The following GLDC variants were observed in gnomAD, a reference collection of about 807,000 sequenced individuals.
GLDC encodes glycine dehydrogenase (decarboxylating), mitochondrial.
Under a neutral mutation model 121.3 loss-of-function variants are expected in GLDC, and 104 were observed. That is an observed-to-expected ratio of 0.86 (90% CI 0.73 to 1.01). The LOEUF is 1.01. Among genes scored for constraint, GLDC ranks in the 50% least tolerant of loss-of-function variants. GLDC has a pLI of 0.00. For synonymous variants in GLDC, 546 were observed against 480.6 expected, an observed-to-expected ratio of 1.14 and a Z score of -1.78; for missense variants, 1,429 against 1,306.6, an observed-to-expected ratio of 1.09 and a Z score of -1.44.
chr9:6,550,666 C>A, intron 21 of GLDC, 137 bp downstream of exon 21: 1 of 722,486 alleles, frequency 1.4e-6, no homozygotes, highest in Non-Finnish European at 2.5e-6. Context: ...CGAGTTATTT[C>A]CAAGAACTCT....
chr9:6,563,942 G>C lies in GLDC; in HGVS notation c.1926+1412C>G, dbSNP rs114930723. On this transcript the variant is annotated intron_variant, in intron 16 of 24. Coordinates refer to ENST00000321612, the MANE Select transcript of GLDC (RefSeq NM_000170.3). Reference sequence around the variant, plus strand: ...GCCCAGGAGTTCAAGGCTGCAGTGAGCTATGAAGAGAAAAAAAAAAGGGCC... The same window carrying C: ...GCCCAGGAGTTCAAGGCTGCAGTGACCTATGAAGAGAAAAAAAAAAGGGCC... 4.5e-3 allele frequency among the ~76,000 whole-genome samples: 677 copies of C among 151,728 alleles called. 7 individuals carry two copies. The highest frequency in any genetic ancestry group is 0.016 in the African/African-American group (655 of 41,398).
chr9:6,635,782 A>G (rs913525071), intron 2 of GLDC, among the ~76,000 whole-genome samples: 6 of 152,096 alleles, frequency 3.9e-5, no homozygotes, highest in African/African-American at 1.4e-4. Flanking sequence ...GGCTGAGGTG[A>G]CAGGACTGCC....
At chr9:6,562,446 T>A (rs1817777316) in intron 16 of GLDC, among the ~76,000 whole-genome samples, 1 of 152,242 alleles carries the variant, frequency 6.6e-6, no homozygotes, top group Non-Finnish European at 1.5e-5. Flanking sequence ...CTGGATTCCA[T>A]TAGAATCTAT....
At chr9:6,539,451 C>A (rs1563828790) in intron 22 of GLDC, among the ~76,000 whole-genome samples, 1 of 152,068 alleles carries the variant, frequency 6.6e-6, no homozygotes, top group Non-Finnish European at 1.5e-5. Flanking sequence ...TGCACTCCAG[C>A]CTGGGCGACA....
intron 8 of GLDC, among the ~76,000 whole-genome samples, chr9:6,598,309 G>A (rs899444981): frequency 1.3e-5 from 2 of 152,196 alleles, no homozygotes; most frequent in African/African-American, 4.8e-5. Flanking sequence ...GAGATTACAG[G>A]TGTGAGCCAC....
At chr9:6,588,553 G>C in intron 13 of GLDC, 65 bp downstream of exon 13, 2 of 1,454,202 alleles carry the variant, frequency 1.4e-6, no homozygotes, top group Non-Finnish European at 1.9e-6. Flanking sequence ...GAGCATATTA[G>C]GTAGGACCAA....
intron 3 of GLDC, among the ~76,000 whole-genome samples, chr9:6,618,583 A>C (rs1268968733): frequency 2.0e-5 from 3 of 152,212 alleles, no homozygotes; most frequent in East Asian, 1.9e-4. Flanking sequence ...CTGGGATTAC[A>C]GGTGTGAGCC....
At chr9:6,566,636 A>G (rs1048194380) in intron 15 of GLDC, 1 of 152,310 alleles carries the variant, frequency 6.6e-6, no homozygotes, top group Non-Finnish European at 1.5e-5. Flanking sequence ...TGCTGACTCA[A>G]TCGTAGACTG....
At position 6,593,009 on chromosome 9, in the gene GLDC, C is replaced by A. The variant is rs1228227787; in HGVS notation, c.1262-19G>T. 1.2e-6 allele frequency: 2 copies of A among 1,613,390 alleles called. No individual in the cohort carries two copies. Among genetic ancestry groups the A allele is most frequent in the Admixed American group, 3.3e-5 (2 of 60,016 alleles). ...TTGAGACCTACACAAGATAGGAGAT[C>A]CCCCAAACTCTCATATAGAAACCTG... On this transcript the variant is annotated intron_variant, in intron 9 of 24. Coordinates refer to ENST00000321612, the MANE Select transcript of GLDC (RefSeq NM_000170.3).
At chr9:6,543,256 T>C (rs1421195315) in intron 21 of GLDC, among the ~76,000 whole-genome samples, 1 of 152,008 alleles carries the variant, frequency 6.6e-6, no homozygotes. Context: ...GCCTGGGTAA[T>C]AAAGCAAGAC....
At chr9:6,547,122 A>G (rs1358985912) in intron 21 of GLDC, among the ~76,000 whole-genome samples, 2 of 152,192 alleles carry the variant, frequency 1.3e-5, no homozygotes, top group Non-Finnish European at 2.9e-5. Flanking sequence ...CTTGGATTAC[A>G]GGTGTGAACC....
chr9:6,553,689 G>A lies in GLDC; in HGVS notation c.2316-180C>T, dbSNP rs1207320862. Among the ~76,000 whole-genome samples the A allele has an allele frequency of 1.3e-5, 2 of 152,244 alleles. 1 individual carries two copies. Among genetic ancestry groups the A allele is most frequent in the South Asian group, 4.1e-4 (2 of 4,828 alleles). On this transcript the variant is annotated intron_variant, in intron 19 of 24. Transcript: ENST00000321612. ...GCGATCCTTCCTTCCTTCCTCCTCT[G>A]GTGGAGGTCCACCAGCCATCAGTGT... is the stretch of plus-strand genomic sequence containing the variant.
At chr9:6,583,028 A>G (rs535990360) in intron 15 of GLDC, among the ~76,000 whole-genome samples, 119 of 152,286 alleles carry the variant, frequency 7.8e-4, no homozygotes, top group African/African-American at 2.7e-3. Flanking sequence ...CTTCACACCT[A>G]CCAGAATTGC....
intron 2 of GLDC, among the ~76,000 whole-genome samples, chr9:6,643,352 AACCTGAAGCAGATAGGCTCCAT>A (rs1819667238): frequency 6.6e-6 from 1 of 151,508 alleles, no homozygotes; most frequent in Non-Finnish European, 1.5e-5. Context: ...CTGAGCAGCC[AACCTGAAGCAGATAGGCTCCAT>A]ACCTCAAATG....
intron 2 of GLDC, chr9:6,639,393 G>A: frequency 1.2e-6 from 1 of 865,810 alleles, no homozygotes; most frequent in Non-Finnish European, 1.8e-6. Context: ...TGACCACTGA[G>A]TCGCCATGAA....
At position 6,553,358 on chromosome 9, in the gene GLDC, C is replaced by A; in HGVS notation, c.2457+10G>T. 1 of 1,613,864 alleles carries A rather than the reference C, an allele frequency of 6.2e-7. No individual in the cohort carries two copies. The highest frequency in any genetic ancestry group is 8.5e-7 in the Non-Finnish European group (1 of 1,179,868). On this transcript the variant is annotated intron_variant, in intron 20 of 24. Coordinates refer to ENST00000321612, the MANE Select transcript of GLDC (RefSeq NM_000170.3). Reference sequence around the variant, plus strand: ...CCACCTGCACACCTGCACATACTCCCAGGCCTCACCTTGATATAAGCCCAG... The same window carrying A: ...CCACCTGCACACCTGCACATACTCCAAGGCCTCACCTTGATATAAGCCCAG...
At chr9:6,621,427 C>G (rs1208925488) in intron 2 of GLDC, among the ~76,000 whole-genome samples, 1 of 152,184 alleles carries the variant, frequency 6.6e-6, no homozygotes, top group Non-Finnish European at 1.5e-5. Flanking sequence ...GGTCACACGA[C>G]TTTAAATTAA....
intron 2 of GLDC, among the ~76,000 whole-genome samples, chr9:6,621,372 C>T (rs965620397): frequency 1.3e-5 from 2 of 152,134 alleles, no homozygotes; most frequent in Non-Finnish European, 2.9e-5. Flanking sequence ...ATATGCTTTT[C>T]GCACAGCCTA....
At chr9:6,564,738 C>T (rs1395516921) in intron 16 of GLDC, among the ~76,000 whole-genome samples, 2 of 152,206 alleles carry the variant, frequency 1.3e-5, no homozygotes, top group Non-Finnish European at 2.9e-5. Flanking sequence ...CTGGGGGGAG[C>T]GAGTGGTGTC....
Sources: allele counts gnomAD v4.1 joint callset (sites outside exome capture counted in the v4.1 genomes callset), GRCh38; gene constraint gnomAD v4.1.1; transcripts MANE v1.5; gene names NCBI Gene and HGNC (gene_info 2026-07-23, HGNC 2026-07-21).